UPK1A: variants seen among roughly 807,000 people sequenced by gnomAD.
The protein encoded by UPK1A is uroplakin 1A.
A neutral mutation model predicts 32.3 loss-of-function variants in UPK1A; 31 were observed. The ratio of observed to expected loss-of-function variants is 0.96; its 90% CI spans 0.72 to 1.30. UPK1A has a LOEUF of 1.30. Ranked by LOEUF, UPK1A falls within the 50% of genes most tolerant of loss-of-function variation. The pLI, the probability that UPK1A is intolerant of heterozygous loss-of-function variation, is 0.00. For missense variants in UPK1A, 340 were observed against 357.4 expected (o/e 0.95, Z 0.39); for synonymous variants, 135 against 137.1 (o/e 0.98, Z 0.11).
chr19:35,673,400 C>T (rs1339075257), intron 4 of UPK1A, 38 bp from the exon 5 acceptor site: 1 of 1,611,532 alleles, frequency 6.2e-7, no homozygotes, highest in Non-Finnish European at 8.5e-7. Flanking sequence ...TCTCCCCACC[C>T]AGCCCTGCCG....
At chr19:35,677,944 G>T (rs202052180) in intron 7 of UPK1A, 31 bp from the exon 8 acceptor site, 4 of 1,585,546 alleles carry the variant, frequency 2.5e-6, no homozygotes, top group Non-Finnish European at 3.4e-6. Context: ...GTGGGGGGCG[G>T]AGTGCCCTCA....
At position 35,666,884 on chromosome 19, in the gene UPK1A, TATC is replaced by T. The variant is rs774971270; in HGVS notation, c.75_77del (p.Ile27del). On this transcript the variant is annotated inframe_deletion, in exon 2 of 8. Coordinates refer to ENST00000617999, the Ensembl canonical transcript of UPK1A. Reference sequence around the variant, plus strand: ...TGGTGGGCCTGCTAGTTGTGGGCAATATCATTATTCTGGTGAGACTCGCCCCAG... The same window carrying T: ...TGGTGGGCCTGCTAGTTGTGGGCAATATTATTCTGGTGAGACTCGCCCCAG... The T allele has an allele frequency of 3.1e-6, 5 of 1,613,688 alleles. No homozygotes were observed. The East Asian group carries it at 6.7e-5, about 22-fold the overall frequency.
At chr19:35,676,283 C>T (rs1276257631) in intron 6 of UPK1A, 12 of 604,974 alleles carry the variant, frequency 2.0e-5, no homozygotes, top group Admixed American at 1.2e-4. Flanking sequence ...GTCTGCCTCC[C>T]GGGTTCAAGG....
At chr19:35,675,692 G>A (rs964589230) in intron 5 of UPK1A, 148 bp from the exon 6 acceptor site, 9 of 856,812 alleles carry the variant, frequency 1.1e-5, no homozygotes, top group Admixed American at 3.1e-5. Flanking sequence ...GACACCCACC[G>A]GACACACTCG....
intron 5 of UPK1A, among the ~76,000 whole-genome samples, chr19:35,674,241 C>CTTTTTTTTTTTTT (rs35857173): frequency 2.0e-5 from 2 of 98,986 alleles, no homozygotes; most frequent in Non-Finnish European, 3.9e-5. Context: ...TTCTTTTTAT[C>CTTTTTTTTTTTTT]TTTTTTTTTT....
chr19:35,674,315 C>T lies in UPK1A; in HGVS notation c.468+770C>T, dbSNP rs192868339. On this transcript the variant is annotated intron_variant, in intron 5 of 7. Transcript: ENST00000617999. ...AGGCTGGAATGCAGTGGCGCGATCTCGGCTCACTGCAAGCTCCGCCTCCCG... is the reference window on the plus strand; with the variant it reads ...AGGCTGGAATGCAGTGGCGCGATCTTGGCTCACTGCAAGCTCCGCCTCCCG... Among the ~76,000 whole-genome samples the T allele has an allele frequency of 9.1e-3, 1,281 of 141,464 alleles. 15 individuals are homozygous for T. The highest frequency in any genetic ancestry group is 0.032 in the African/African-American group (1,218 of 37,672). 92.8% of individuals were successfully genotyped at this position (141,464 alleles called of 152,430 possible).
At chr19:35,668,051 A>C in intron 2 of UPK1A, 1 of 274,752 alleles carries the variant, frequency 3.6e-6, no homozygotes, top group Non-Finnish European at 7.1e-6. Flanking sequence ...GCCTCCCACA[A>C]TGCTGGGACT....
At chr19:35,667,511 T>C (rs1392023156) in intron 2 of UPK1A, among the ~76,000 whole-genome samples, 2 of 149,786 alleles carry the variant, frequency 1.3e-5, no homozygotes, top group Non-Finnish European at 3.0e-5. Flanking sequence ...TTTTTTTTTT[T>C]CAGACAGATT....
rs577363346 is a variant in UPK1A at position 35,668,509 on chromosome 19, G to A, written c.140G>A (p.Arg47His). 23 of 1,614,168 alleles carry A rather than the reference G, an allele frequency of 1.4e-5. No individual in the cohort carries two copies. The highest frequency in any genetic ancestry group is 1.3e-4 in the Admixed American group (8 of 59,994). ...ATATGGGTGACAGCCGACCAGTACC[G>A]TGTATACCCACTGATGGGAGTCTCA... is the stretch of plus-strand genomic sequence containing the variant. Residue 47 changes from arginine to histidine, a missense_variant, in exon 3 of 8, where the codon CGT (arginine) becomes CAT (histidine). Physicochemically the swap from Arg to His is conservative, Grantham distance 29. Coordinates refer to ENST00000617999, the Ensembl canonical transcript of UPK1A.
intron 2 of UPK1A, 116 bp downstream of exon 2, chr19:35,667,012 A>C (rs1335619427): frequency 4.9e-6 from 5 of 1,020,128 alleles, no homozygotes; most frequent in Non-Finnish European, 7.4e-6. Flanking sequence ...CTCAGTGGTC[A>C]GCACAGCCTG....
chr19:35,676,177 T>TTC, intron 6 of UPK1A, 158 bp downstream of exon 6: 1 of 723,922 alleles, frequency 1.4e-6, no homozygotes, highest in Non-Finnish European at 2.1e-6. Context: ...TTCTTTTTCT[T>TTC]TCTTTCTTTC....
chr19:35,677,848 T>C (rs1462759357), exon 7 of UPK1A: 1 of 1,611,702 alleles, frequency 6.2e-7, no homozygotes, highest in East Asian at 2.2e-5. Flanking sequence ...CATCGACAGC[T>C]ACACGTGGGG....
At chr19:35,667,105 A>C (rs1265884386) in intron 2 of UPK1A, among the ~76,000 whole-genome samples, 1 of 152,044 alleles carries the variant, frequency 6.6e-6, no homozygotes, top group Non-Finnish European at 1.5e-5. Flanking sequence ...TTCCTCATCT[A>C]TAGACTGTGT....
At chr19:35,676,597 G>A (rs1053908068) in intron 6 of UPK1A, among the ~76,000 whole-genome samples, 3 of 151,862 alleles carry the variant, frequency 2.0e-5, no homozygotes, top group African/African-American at 7.3e-5. Flanking sequence ...CAGGTTGTCC[G>A]AGAATAAGAG....
intron 3 of UPK1A, 98 bp from the exon 4 acceptor site, chr19:35,673,132 CAA>C (rs1968126848): frequency 7.8e-7 from 1 of 1,281,742 alleles, no homozygotes; most frequent in Admixed American, 1.7e-5. Flanking sequence ...CACACTGCCC[CAA>C]ACTTTTTTAA....
At chr19:35,666,747 A>C in intron 1 of UPK1A, 62 bp from the exon 2 acceptor site, 2 of 1,543,858 alleles carry the variant, frequency 1.3e-6, no homozygotes, top group Non-Finnish European at 1.8e-6. Flanking sequence ...GGTGTGGCTC[A>C]GAGATGGGGG....
At chr19:35,670,545 C>T (rs1310273542) in intron 3 of UPK1A, among the ~76,000 whole-genome samples, 6 of 72,814 alleles carry the variant, frequency 8.2e-5, no homozygotes, top group African/African-American at 3.3e-4. Flanking sequence ...CCTCCTTTCC[C>T]CTCCCCTCCC....
chr19:35,674,307 C>G (rs1043654693), intron 5 of UPK1A, among the ~76,000 whole-genome samples: 1 of 134,230 alleles, frequency 7.4e-6, no homozygotes. Flanking sequence ...AATGCAGTGG[C>G]GCGATCTCGG....
Position 35,676,039 on chromosome 19 carries a change from T to C in UPK1A, c.648+20T>C. Reference sequence around the variant, plus strand: ...ACCAAGGTGTGGCCGTCTGCCCTGCTCCATCTGTCTATCCATCTGTCTGTC... The same window carrying C: ...ACCAAGGTGTGGCCGTCTGCCCTGCCCCATCTGTCTATCCATCTGTCTGTC... On this transcript the variant is annotated intron_variant, in intron 6 of 7. Coordinates refer to ENST00000617999, the Ensembl canonical transcript of UPK1A. 1 of 1,604,374 alleles carries C rather than the reference T, an allele frequency of 6.2e-7. No individual in the cohort carries two copies. The highest frequency in any genetic ancestry group is 8.5e-7 in the Non-Finnish European group (1 of 1,174,792).
Sources: gnomAD v4.1 joint callset for allele counts (sites outside exome capture counted in the v4.1 genomes callset) on GRCh38, gnomAD v4.1.1 for gene constraint, MANE v1.5 for transcripts, NCBI Gene and HGNC (gene_info 2026-07-23, HGNC 2026-07-21) for gene names.